The following SLIT3 variants were observed in gnomAD, a reference collection of about 807,000 sequenced individuals.
SLIT3 encodes the protein slit homolog 3 protein.
SLIT3 carries 68 observed loss-of-function variants against 184.0 expected under a neutral mutation model. The observed-to-expected ratio is 0.37, with a 90% CI of 0.30 to 0.45. The LOEUF is 0.45. Among genes scored for constraint, SLIT3 ranks in the 20% least tolerant of loss-of-function variants. SLIT3 has a pLI of 1.00. For synonymous variants in SLIT3, 831 were observed against 828.6 expected (o/e 1.00, Z -0.05); for missense variants, 1,707 against 2,026.0 (o/e 0.84, Z 3.02).
At chr5:168,820,739 C>T (rs965265315) in intron 7 of SLIT3, among the ~76,000 whole-genome samples, 1 of 152,172 alleles carries the variant, frequency 6.6e-6, no homozygotes. Context: ...CTCTACAGAA[C>T]ATAAGGTGAA....
At chr5:168,708,489 A>C in intron 25 of SLIT3, 17 of 253,168 alleles carry the variant, frequency 6.7e-5, no homozygotes, top group South Asian at 2.0e-4. Context: ...ACCCACAAAC[A>C]CCCCTCCCCA....
chr5:168,825,643 T>C (rs748477399), intron 6 of SLIT3, among the ~76,000 whole-genome samples: 6 of 152,236 alleles, frequency 3.9e-5, no homozygotes, highest in Non-Finnish European at 8.8e-5. Context: ...TTTTGTTTCA[T>C]ATGGCTTCTT....
At chr5:169,187,119 T>TTTTTTTTG (rs2113455843) in intron 4 of SLIT3, among the ~76,000 whole-genome samples, 1 of 140,816 alleles carries the variant, frequency 7.1e-6, no homozygotes, top group South Asian at 2.4e-4. Context: ...AGGTTTTTTT[T>TTTTTTTTG]TTTTTTTTTT....
intron 4 of SLIT3, among the ~76,000 whole-genome samples, chr5:168,911,941 C>A (rs1470961102): frequency 1.3e-5 from 2 of 152,220 alleles, no homozygotes; most frequent in African/African-American, 4.8e-5. Context: ...ACTTACACAA[C>A]AATCCACTGC....
chr5:168,894,835 T>C (rs754081857), intron 4 of SLIT3, among the ~76,000 whole-genome samples: 40 of 152,190 alleles, frequency 2.6e-4, no homozygotes, highest in Non-Finnish European at 5.0e-4. Context: ...CTGGCACTCA[T>C]AGAGATTAGG....
chr5:169,186,791 C>G (rs1763353578), intron 4 of SLIT3, among the ~76,000 whole-genome samples: 1 of 152,174 alleles, frequency 6.6e-6, no homozygotes. Flanking sequence ...GAGGAGGACT[C>G]AGCCCTGGGA....
At chr5:169,107,194 G>A (rs1278357376) in intron 4 of SLIT3, among the ~76,000 whole-genome samples, 3 of 152,232 alleles carry the variant, frequency 2.0e-5, no homozygotes, top group African/African-American at 7.2e-5. Context: ...GAAAAGATGA[G>A]TGAGGCTGTC....
intron 12 of SLIT3, among the ~76,000 whole-genome samples, chr5:168,782,495 C>T (rs757235126): frequency 3.3e-5 from 5 of 152,130 alleles, no homozygotes; most frequent in Non-Finnish European, 5.9e-5. Context: ...GGGCTGGCTG[C>T]CCATAGAGGA....
At chr5:168,748,500 C>A in intron 19 of SLIT3, 66 bp from the exon 20 acceptor site, 1 of 1,442,938 alleles carries the variant, frequency 6.9e-7, no homozygotes. Flanking sequence ...AGCCAGTGAG[C>A]AAGGCTGCGT....
chr5:169,097,677 G>C (rs988897222), intron 4 of SLIT3, among the ~76,000 whole-genome samples: 3 of 152,204 alleles, frequency 2.0e-5, no homozygotes, highest in Non-Finnish European at 2.9e-5. Context: ...GGCCAGAGGG[G>C]GCTGTTGGAG....
chr5:168,765,544 A>C (rs1156466575), intron 14 of SLIT3, among the ~76,000 whole-genome samples: 1 of 152,158 alleles, frequency 6.6e-6, no homozygotes, highest in East Asian at 1.9e-4. Flanking sequence ...TTCATATTTC[A>C]TTACCGAAAC....
chr5:169,242,870 A>G (rs1239081724), intron 3 of SLIT3, among the ~76,000 whole-genome samples: 2 of 152,158 alleles, frequency 1.3e-5, no homozygotes, highest in Non-Finnish European at 2.9e-5. Context: ...AGGCTTTGCC[A>G]AAATATTTCA....
intron 26 of SLIT3, among the ~76,000 whole-genome samples, chr5:168,706,142 C>G (rs1762365849): frequency 6.6e-6 from 1 of 152,164 alleles, no homozygotes; most frequent in Admixed American, 6.5e-5. Context: ...ATGGCCTATT[C>G]CACACCCAGG....
In SLIT3 at chr5:168,762,569, G is replaced by A. The variant is rs555095602; in HGVS notation, c.1580C>T (p.Pro527Leu). ...DCSNQKLVRI[P>L]SHLPEYVTDL... ...GGTGACATATTCAGGGAGGTGGCTTGGGATGCGGACCAGCTTCTGGTTGGA... is the reference window on the plus strand; with the variant it reads ...GGTGACATATTCAGGGAGGTGGCTTAGGATGCGGACCAGCTTCTGGTTGGA... Residue 527 changes from proline (P) to leucine (L), a missense_variant, in exon 15 of 36, where the codon CCA becomes CTA. Around this residue, in one of 3 missense-constraint regions of SLIT3, gnomAD observed 1,307 missense variants for 1,511.6 expected, o/e 0.86. Transcript: ENST00000519560. The A allele has an allele frequency of 6.2e-7, 1 of 1,614,046 alleles. No homozygotes were observed. Among genetic ancestry groups the A allele is most frequent in the African/African-American group, 1.3e-5 (1 of 75,018 alleles).
intron 1 of SLIT3, among the ~76,000 whole-genome samples, chr5:169,288,390 G>C (rs1165795236): frequency 1.3e-5 from 2 of 151,428 alleles, no homozygotes; most frequent in African/African-American, 2.4e-5. Flanking sequence ...ATTTTTTTAT[G>C]ATGTGGGAGG....
chr5:168,784,576 C>T (rs115982628), intron 12 of SLIT3, among the ~76,000 whole-genome samples: 1,704 of 152,308 alleles, frequency 0.011, 18 homozygotes, highest in Non-Finnish European at 0.017. Context: ...CTGGGAGAAT[C>T]TGTCCAGAGC....
chr5:168,688,210 G>C (rs1230679538), intron 29 of SLIT3, among the ~76,000 whole-genome samples: 2 of 152,214 alleles, frequency 1.3e-5, no homozygotes, highest in African/African-American at 4.8e-5. Flanking sequence ...CAAAGCCTGT[G>C]TACCTTTCTG....
In SLIT3 at chr5:169,058,589, C is replaced by T. The variant is rs78658087; in HGVS notation, c.413+134890G>A. Reference sequence around the variant, plus strand: ...ATCCTGCACTTTAAGTTTTGAGAAGCTGTTTTAAATATTGAGATCATGTCA... The same window carrying T: ...ATCCTGCACTTTAAGTTTTGAGAAGTTGTTTTAAATATTGAGATCATGTCA... On this transcript the variant is annotated intron_variant, in intron 4 of 35. Coordinates refer to ENST00000519560, the MANE Select transcript of SLIT3 (RefSeq NM_003062.4). 2.1e-3 allele frequency among the ~76,000 whole-genome samples: 323 copies of T among 152,344 alleles called. 1 individual carries two copies. Among genetic ancestry groups the T allele is most frequent in the Non-Finnish European group, 3.5e-3 (236 of 68,024 alleles).
intron 4 of SLIT3, chr5:168,995,497 T>C (rs1422758517): frequency 3.3e-5 from 5 of 152,178 alleles, no homozygotes; most frequent in Admixed American, 3.3e-4. Context: ...AGGTACTCAA[T>C]GATTAAGTGA....
Sources: allele counts gnomAD v4.1 joint callset (sites outside exome capture counted in the v4.1 genomes callset), GRCh38; gene constraint gnomAD v4.1.1; regional missense constraint gnomAD v4.1.1; transcripts MANE v1.5; gene names NCBI Gene and HGNC (gene_info 2026-07-23, HGNC 2026-07-21).